The following CPXM2 variants were observed in gnomAD, a reference collection of about 807,000 sequenced individuals.
The protein encoded by CPXM2 is inactive carboxypeptidase-like protein X2.
A neutral mutation model predicts 86.1 loss-of-function variants in CPXM2; 66 were observed. The observed-to-expected ratio is 0.77, with a 90% CI of 0.63 to 0.94. CPXM2 has a LOEUF of 0.94. Ranked by LOEUF, CPXM2 falls within the 40% of genes least tolerant of loss-of-function variation. CPXM2 has a pLI of 0.00. For synonymous variants in CPXM2, 388 were observed against 400.2 expected, an observed-to-expected ratio of 0.97 and a Z score of 0.36; for missense variants, 948 against 1,026.3, an observed-to-expected ratio of 0.92 and a Z score of 1.04.
intron 11 of CPXM2, among the ~76,000 whole-genome samples, chr10:123,759,321 C>T (rs1846282186): frequency 6.6e-6 from 1 of 152,226 alleles, no homozygotes; most frequent in African/African-American, 2.4e-5. Flanking sequence ...ATGATTGTCA[C>T]TTCCACCCTT....
chr10:123,840,751 T>A (rs1196042244), intron 4 of CPXM2, among the ~76,000 whole-genome samples: 2 of 152,130 alleles, frequency 1.3e-5, no homozygotes, highest in East Asian at 3.8e-4. Context: ...AAAAAAAAAT[T>A]CAGAGTAAAA....
chr10:123,814,107 G>A (rs1233706853), intron 4 of CPXM2, among the ~76,000 whole-genome samples: 1 of 152,224 alleles, frequency 6.6e-6, no homozygotes, highest in Non-Finnish European at 1.5e-5. Flanking sequence ...ACCATTGGGT[G>A]CTATGATGGT....
At chr10:123,941,772 A>C (rs1401042110), upstream of CPXM2, among the ~76,000 whole-genome samples, 1 of 152,158 alleles carries the variant, frequency 6.6e-6, no homozygotes, top group Non-Finnish European at 1.5e-5. Context: ...AAGAGCTCAA[A>C]AGCTAGAGTA....
At position 123,754,649 on chromosome 10, in the gene CPXM2, A is replaced by C; in HGVS notation, c.2017+14T>G. The C allele has an allele frequency of 7.2e-7, 1 of 1,380,468 alleles. No homozygotes were observed. The highest frequency in any genetic ancestry group is 1.7e-5 in the Admixed American group (1 of 59,620). The allele number at this position is 1,380,468 out of a possible 1,614,324, so 85.5% of individuals were successfully genotyped here. A position where few individuals can be genotyped will look rare whatever the true frequency, so the allele number is the denominator to read the frequency against. ...TTTCTTACCAAGAGACAGTCTGCAC[A>C]CATTTGCAGTTACCTGTTCGGATGT... On this transcript the variant is annotated intron_variant, in intron 13 of 13. Coordinates refer to ENST00000241305, the MANE Select transcript of CPXM2 (RefSeq NM_198148.3). The surrounding 1 kb of genome is among the most constrained non-coding windows in gnomAD (Gnocchi z 4.0).
intron 2 of CPXM2, among the ~76,000 whole-genome samples, chr10:123,919,182 G>A (rs536282542): frequency 1.3e-5 from 2 of 152,290 alleles, no homozygotes; most frequent in African/African-American, 4.8e-5. Context: ...TCCCCACACA[G>A]GACATATCCA....
intron 2 of CPXM2, among the ~76,000 whole-genome samples, chr10:123,871,439 C>CA (rs555743609): frequency 4.6e-4 from 70 of 151,816 alleles, no homozygotes; most frequent in South Asian, 8.3e-4. Context: ...TTATAAGGCT[C>CA]AAAAAAAAGG....
intron 13 of CPXM2, among the ~76,000 whole-genome samples, chr10:123,748,401 G>A (rs1263113147): frequency 3.9e-5 from 6 of 152,068 alleles, no homozygotes; most frequent in Admixed American, 2.6e-4. Flanking sequence ...GTAAATATAC[G>A]TCTCCCACAT....
At chr10:123,841,218 C>T (rs1430384660) in intron 4 of CPXM2, among the ~76,000 whole-genome samples, 1 of 152,168 alleles carries the variant, frequency 6.6e-6, no homozygotes, top group African/African-American at 2.4e-5. Context: ...AGCCCCCAAG[C>T]TCTGCGTGAC....
chr10:123,845,789 TAAAGA>T (rs901174712), intron 3 of CPXM2, among the ~76,000 whole-genome samples: 6 of 151,500 alleles, frequency 4.0e-5, no homozygotes, highest in African/African-American at 1.5e-4. Context: ...ACATCAGAAA[TAAAGA>T]AAAGATTCTA....
intron 3 of CPXM2, among the ~76,000 whole-genome samples, chr10:123,849,840 A>G (rs962164490): frequency 2.0e-5 from 3 of 152,186 alleles, no homozygotes; most frequent in Non-Finnish European, 4.4e-5. Context: ...GTGCAGCTCA[A>G]CCAATTTTGA....
chr10:123,908,776 A>G (rs1397195543), intron 2 of CPXM2, among the ~76,000 whole-genome samples: 5 of 152,208 alleles, frequency 3.3e-5, no homozygotes, highest in African/African-American at 4.8e-5. Flanking sequence ...GCAGAAGGGC[A>G]CTGGAGACCT....
chr10:123,787,581 A>C (rs1474905185), intron 6 of CPXM2, among the ~76,000 whole-genome samples: 2 of 152,098 alleles, frequency 1.3e-5, no homozygotes, highest in East Asian at 1.9e-4. Context: ...TGATTTGTAC[A>C]TGGGACTATT....
In CPXM2 at chr10:123,862,609, G is replaced by A. The variant is rs139484700; in HGVS notation, c.513+5C>T. ...CAAAATCCTTCCAACCACAGGGCCA[G>A]GTACCTGGATGTTGAGTCTCCCTCG... On this transcript the variant is annotated splice_donor_5th_base_variant and intron_variant, in intron 3 of 13. Transcript: ENST00000241305. 3 of 1,613,302 alleles carry A rather than the reference G, an allele frequency of 1.9e-6. No individual in the cohort carries two copies. The highest frequency in any genetic ancestry group is 2.5e-6 in the Non-Finnish European group (3 of 1,179,262).
intron 13 of CPXM2, among the ~76,000 whole-genome samples, chr10:123,753,479 C>A (rs1589960248): frequency 6.6e-6 from 1 of 152,356 alleles, no homozygotes; most frequent in South Asian, 2.1e-4. Flanking sequence ...ACCCCACTAA[C>A]CCCTTAACCA....
chr10:123,842,434 C>T lies in CPXM2; in HGVS notation c.568G>A (p.Asp190Asn), dbSNP rs1290565658. 6.2e-7 allele frequency: 1 copy of T among 1,614,082 alleles called. No individual in the cohort carries two copies. The highest frequency in any genetic ancestry group is 8.5e-7 in the Non-Finnish European group (1 of 1,180,010). Residue 190 changes from aspartate to asparagine, a missense_variant, in exon 4 of 14, where the codon GAC becomes AAC. By Grantham distance (23) the Asp-to-Asn change is conservative. Transcript: ENST00000241305. Reference protein sequence around the residue: ...YDGAWCAGRNDLQQWIEVDAR... With the variant: ...YDGAWCAGRNNLQQWIEVDAR... ...TCCACTTCAATCCACTGCTGGAGGT[C>T]ATTTCTTCCCGCGCACCACGCTCCG...
chr10:123,828,743 T>A (rs1848098520), intron 4 of CPXM2, among the ~76,000 whole-genome samples: 1 of 152,202 alleles, frequency 6.6e-6, no homozygotes, highest in Non-Finnish European at 1.5e-5. Flanking sequence ...TAGCATTAAA[T>A]GTAAAACATA....
chr10:123,820,695 C>T (rs1198235555), intron 4 of CPXM2, among the ~76,000 whole-genome samples: 2 of 152,088 alleles, frequency 1.3e-5, no homozygotes, highest in Non-Finnish European at 2.9e-5. Context: ...AATCTGTTTC[C>T]CTGCCTTTTC....
intron 2 of CPXM2, among the ~76,000 whole-genome samples, chr10:123,900,485 C>A (rs1945373056): frequency 6.6e-6 from 1 of 152,158 alleles, no homozygotes; most frequent in Non-Finnish European, 1.5e-5. Flanking sequence ...CCATTAGTAA[C>A]CAGAGAAATG....
chr10:123,799,699 G>C (rs1428460316), intron 4 of CPXM2, among the ~76,000 whole-genome samples: 1 of 152,208 alleles, frequency 6.6e-6, no homozygotes, highest in Non-Finnish European at 1.5e-5. Context: ...GAGTCTCTAA[G>C]AGATACTGAG....
Sources: gnomAD v4.1 joint callset for allele counts (sites outside exome capture counted in the v4.1 genomes callset) on GRCh38, gnomAD v4.1.1 for gene constraint, Gnocchi (gnomAD v3.1) non-coding constraint, MANE v1.5 for transcripts, NCBI Gene and HGNC (gene_info 2026-07-23, HGNC 2026-07-21) for gene names.